The following KDM5B variants were observed in gnomAD, a reference collection of about 807,000 sequenced individuals.
The protein encoded by KDM5B is lysine-specific demethylase 5B.
KDM5B carries 144 observed loss-of-function variants against 193.4 expected under a neutral mutation model. The ratio of observed to expected loss-of-function variants is 0.74; its 90% confidence interval spans 0.65 to 0.86. The LOEUF is 0.86. Among genes scored for constraint, KDM5B ranks in the 40% least tolerant of loss-of-function variants. The pLI is 0.00. For synonymous variants in KDM5B, 668 were observed against 682.6 expected (o/e 0.98, Z 0.33); for missense variants, 1,833 against 1,886.9 (o/e 0.97, Z 0.53).
intron 4 of KDM5B, among the ~76,000 whole-genome samples, chr1:202,771,546 C>T (rs1044109709): frequency 6.6e-6 from 1 of 151,712 alleles, no homozygotes; most frequent in East Asian, 1.9e-4. Context: ...TGAGCCACCG[C>T]ACCCAGCCTA....
chr1:202,776,995 A>G, intron 2 of KDM5B, 22 bp downstream of exon 2: 1 of 1,527,650 alleles, frequency 6.5e-7, no homozygotes, highest in Non-Finnish European at 9.1e-7. Context: ...ACAGGCAAAC[A>G]GAACAATAGT....
intron 13 of KDM5B, 145 bp downstream of exon 13, chr1:202,750,514 A>C (rs1040342435): frequency 3.0e-6 from 2 of 657,022 alleles, no homozygotes; most frequent in African/African-American, 3.7e-5. Flanking sequence ...ACCTCAGGTG[A>C]TCTGCCCACC....
chr1:202,760,495 T>C lies in KDM5B; in HGVS notation c.997A>G (p.Ser333Gly). 1 of 1,613,634 alleles carries C rather than the reference T, an allele frequency of 6.2e-7. No individual in the cohort carries two copies. Among genetic ancestry groups the C allele is most frequent in the Non-Finnish European group, 8.5e-7 (1 of 1,179,670 alleles). ...GGGATCAAGCAAAAGGTATGGTAAC[T>C]GTCATCACAGCCATCACACAACAGT... The part of the protein sequence containing the change: ...RLLLCDGCDD[S>G]YHTFCLIPPL... Residue 333 changes from serine to glycine, a missense_variant, in exon 8 of 27, where the codon AGT (serine) becomes GGT (glycine). By Grantham distance (56) the Ser-to-Gly change is moderately conservative (BLOSUM62 0). Transcript: ENST00000367265.
At chr1:202,777,502 T>C (rs1324753363) in intron 1 of KDM5B, among the ~76,000 whole-genome samples, 1 of 150,978 alleles carries the variant, frequency 6.6e-6, no homozygotes, top group Non-Finnish European at 1.5e-5. Context: ...TTTTTTAATT[T>C]TTTTTTTTTG....
chr1:202,762,422 C>CATT (rs1042600743), intron 7 of KDM5B, among the ~76,000 whole-genome samples: 4 of 152,186 alleles, frequency 2.6e-5, no homozygotes, highest in Admixed American at 2.6e-4. Context: ...GATTACAGTT[C>CATT]ATTATTAGTC....
intron 1 of KDM5B, among the ~76,000 whole-genome samples, chr1:202,779,265 A>C (rs564890627): frequency 1.2e-3 from 184 of 152,138 alleles, no homozygotes; most frequent in Non-Finnish European, 1.3e-4. Context: ...TCACGCCTGT[A>C]ATCACATCAC....
Position 202,740,113 on chromosome 1 carries a change from C to G in KDM5B, c.3084+561G>C, listed in dbSNP as rs534771514. On this transcript the variant is annotated intron_variant, in intron 20 of 26. Transcript: ENST00000367265. Reference sequence around the variant, plus strand: ...CTGGCCGGGCATGGGGCTGACCCCCCCCACCTCCCTCCCGGACGGGGCGGC... The same window carrying G: ...CTGGCCGGGCATGGGGCTGACCCCCGCCACCTCCCTCCCGGACGGGGCGGC... Among the ~76,000 whole-genome samples the G allele has an allele frequency of 6.7e-4, 100 of 149,358 alleles. 1 individual carries two copies. The highest frequency in any genetic ancestry group is 1.3e-3 in the South Asian group (6 of 4,726).
At chr1:202,749,369 AG>A (rs1655701755) in intron 13 of KDM5B, among the ~76,000 whole-genome samples, 1 of 152,188 alleles carries the variant, frequency 6.6e-6, no homozygotes. Flanking sequence ...CAGCCTGTGC[AG>A]TATGGTGAAA....
rs200129057 is a variant in KDM5B at position 202,780,180 on chromosome 1, T to TTTA, written c.205-3089_205-3087dup. ...ACCCAGCAGTTTTGTTTATTTTTAT[T>TTTA]TTATTATTATTATTTTTTGAGATGG... On this transcript the variant is annotated intron_variant, in intron 1 of 26. Coordinates refer to ENST00000367265, the MANE Select transcript of KDM5B (RefSeq NM_006618.5). 7.7e-3 allele frequency among the ~76,000 whole-genome samples: 1,166 copies of TTTA among 152,124 alleles called. 16 individuals are homozygous for TTTA. The highest frequency in any genetic ancestry group is 0.027 in the African/African-American group (1,102 of 41,494).
intron 16 of KDM5B, among the ~76,000 whole-genome samples, chr1:202,744,845 A>C (rs1312898799): frequency 6.6e-6 from 1 of 152,216 alleles, no homozygotes; most frequent in Non-Finnish European, 1.5e-5. Flanking sequence ...AGACACATGC[A>C]TGTGTATGTT....
rs1033900824 is a variant in KDM5B, at chr1:202,790,472, C to A, written c.205-13378G>T. On this transcript the variant is annotated intron_variant, in intron 1 of 26. Coordinates refer to ENST00000367265, the MANE Select transcript of KDM5B (RefSeq NM_006618.5). ...CCATGGCTCATGCCTGTAATCCCAG[C>A]ACTTTGGGAGGCTGAGGTGGGCAGA... Among the ~76,000 whole-genome samples, 11 of 152,038 alleles carry A rather than the reference C, an allele frequency of 7.2e-5. No homozygotes were observed. The South Asian group carries it at 2.3e-3, about 32-fold the overall frequency.
chr1:202,806,866 C>T (rs1407846147), intron 1 of KDM5B: 1 of 152,194 alleles, frequency 6.6e-6, no homozygotes, highest in Non-Finnish European at 1.5e-5. Flanking sequence ...GCAGGAAAGG[C>T]AGTTAAACCC....
At chr1:202,779,582 G>C (rs1161820567) in intron 1 of KDM5B, among the ~76,000 whole-genome samples, 1 of 151,964 alleles carries the variant, frequency 6.6e-6, no homozygotes, top group African/African-American at 2.4e-5. Context: ...GAGGCAAGCA[G>C]ATCACCTGAG....
chr1:202,778,940 T>C (rs1657077306), intron 1 of KDM5B, among the ~76,000 whole-genome samples: 1 of 152,120 alleles, frequency 6.6e-6, no homozygotes, highest in South Asian at 2.1e-4. Context: ...TATTTACTAA[T>C]GTGGGAAGAT....
At chr1:202,748,769 T>A (rs1655670770) in intron 14 of KDM5B, among the ~76,000 whole-genome samples, 176 bp downstream of exon 14, 1 of 152,136 alleles carries the variant, frequency 6.6e-6, no homozygotes, top group Non-Finnish European at 1.5e-5. Context: ...TATGTACATG[T>A]GGCAAATAAG....
Position 202,735,295 on chromosome 1 carries a change from CAA to C in KDM5B, c.3423+132_3423+133del. 4 of 944,708 alleles carry C rather than the reference CAA, an allele frequency of 4.2e-6. No homozygotes were observed. In the South Asian group the frequency reaches 7.2e-5, roughly 17 times the overall value. The allele number at this position is 944,708 out of a possible 1,614,324, so 58.5% of individuals were successfully genotyped here. A position where few individuals can be genotyped will look rare whatever the true frequency, so the allele number is the denominator to read the frequency against. On this transcript the variant is annotated intron_variant, in intron 22 of 26. Transcript: ENST00000367265. ...AAAACTCTTAACACTTGACAATTTT[CAA>C]AAAGTCTTTTTAGTAAAACTGAACG... is the stretch of plus-strand genomic sequence containing the variant.
intron 4 of KDM5B, among the ~76,000 whole-genome samples, chr1:202,772,189 A>G (rs1250692142): frequency 6.6e-6 from 1 of 152,224 alleles, no homozygotes; most frequent in East Asian, 1.9e-4. Flanking sequence ...TCACTGCTGT[A>G]GTCCTAAAAT....
At position 202,808,412 on chromosome 1, in the gene KDM5B, C is replaced by A. The variant is rs959124631; in HGVS notation, c.-107G>T. ...GACGCGGCTCGAGCAACAGCAAGTCCGAGTTGTACGGGCAACGGCAGCACC... is the reference window on the plus strand; with the variant it reads ...GACGCGGCTCGAGCAACAGCAAGTCAGAGTTGTACGGGCAACGGCAGCACC... On this transcript the variant is annotated 5_prime_UTR_variant, in exon 1 of 27. Coordinates refer to ENST00000367265, the MANE Select transcript of KDM5B (RefSeq NM_006618.5). The A allele has an allele frequency of 5.9e-6, 6 of 1,021,292 alleles. No homozygotes were observed. The highest frequency in any genetic ancestry group is 2.6e-5 in the East Asian group (1 of 38,280). The allele number at this position is 1,021,292 out of a possible 1,614,324, so 63.3% of individuals were successfully genotyped here.
Position 202,731,077 on chromosome 1 carries a change from G to A in KDM5B, c.4022-14C>T. 6.3e-7 allele frequency: 1 copy of A among 1,575,900 alleles called. No homozygotes were observed. On this transcript the variant is annotated splice_polypyrimidine_tract_variant and intron_variant, in intron 24 of 26. Transcript: ENST00000367265. ...CTGGACTAACACCTGTAAAAGACCA[G>A]ACCAAATCAAAATGATAACAACAAA...
Sources: gnomAD v4.1 joint callset for allele counts (sites outside exome capture counted in the v4.1 genomes callset) on GRCh38, gnomAD v4.1.1 for gene constraint, MANE v1.5 for transcripts, NCBI Gene and HGNC (gene_info 2026-07-23, HGNC 2026-07-21) for gene names.